NODAL: variants seen among roughly 807,000 people sequenced by gnomAD.
NODAL encodes the protein nodal homolog.
NODAL carries 12 observed loss-of-function variants against 34.0 expected under a neutral mutation model. The observed-to-expected ratio is 0.35, with a 90% CI of 0.23 to 0.57. The LOEUF is 0.57. Ranked by LOEUF, NODAL falls within the 20% of genes least tolerant of loss-of-function variation. The pLI, the probability that NODAL is intolerant of heterozygous loss-of-function variation, is 0.83. For missense variants in NODAL, 390 were observed against 444.2 expected (o/e 0.88, Z 1.10); for synonymous variants, 162 against 186.4 (o/e 0.87, Z 1.07).
chr10:70,446,035 T>C (rs578201785), upstream of NODAL, among the ~76,000 whole-genome samples: 5 of 152,300 alleles, frequency 3.3e-5, no homozygotes, highest in East Asian at 7.7e-4. Flanking sequence ...CTCTGTTGCT[T>C]TTTTAGGACC....
chr10:70,444,915 A>G (rs1415405811), upstream of NODAL, among the ~76,000 whole-genome samples: 1 of 152,140 alleles, frequency 6.6e-6, no homozygotes. Flanking sequence ...ACCCCTCCCC[A>G]GAGGCAGAAG....
At chr10:70,435,139 G>T in intron 2 of NODAL, 147 bp downstream of exon 2, 1 of 720,864 alleles carries the variant, frequency 1.4e-6, no homozygotes, top group East Asian at 2.7e-5. Context: ...ATCTCTACAT[G>T]CCTGGTACCT....
chr10:70,433,158 A>G (rs1845292174), intron 2 of NODAL, 70 bp from the exon 3 acceptor site: 1 of 1,580,620 alleles, frequency 6.3e-7, no homozygotes. Flanking sequence ...TTCTGGGTAA[A>G]GAGTAAAAAA....
intron 1 of NODAL, among the ~76,000 whole-genome samples, chr10:70,440,521 G>T (rs1234021645): frequency 2.0e-5 from 3 of 152,144 alleles, no homozygotes; most frequent in Non-Finnish European, 4.4e-5. Context: ...TTTGTGGATT[G>T]CGCCCCGGCC....
chr10:70,433,766 A>G (rs1171925280), intron 2 of NODAL, among the ~76,000 whole-genome samples: 1 of 152,218 alleles, frequency 6.6e-6, no homozygotes, highest in Non-Finnish European at 1.5e-5. Flanking sequence ...TAGTTCTAGA[A>G]ATATGAAGCA....
At chr10:70,439,159 C>A (rs1357168009) in intron 1 of NODAL, among the ~76,000 whole-genome samples, 1 of 152,168 alleles carries the variant, frequency 6.6e-6, no homozygotes, top group African/African-American at 2.4e-5. Context: ...TGCGCGCCAC[C>A]ATGCCCAGCT....
chr10:70,447,304 C>T (rs893674736), intron 1 of NODAL, among the ~76,000 whole-genome samples: 7 of 152,004 alleles, frequency 4.6e-5, no homozygotes, highest in African/African-American at 1.7e-4. Flanking sequence ...AAACTCCCAA[C>T]CTCAGATGAT....
upstream of NODAL, among the ~76,000 whole-genome samples, chr10:70,444,418 C>T (rs1322117879): frequency 5.3e-5 from 8 of 151,496 alleles, no homozygotes; most frequent in African/African-American, 1.9e-4. Context: ...CAGCCTCTAC[C>T]TCCTGGGTTC....
upstream of NODAL, among the ~76,000 whole-genome samples, chr10:70,443,095 AAACAACAAC>A (rs137898828): frequency 6.6e-6 from 1 of 151,516 alleles, no homozygotes; most frequent in South Asian, 2.1e-4. Flanking sequence ...TCAAAAAACA[AAACAACAAC>A]AACAACAACA....
chr10:70,438,912 G>C (rs1845389978), intron 1 of NODAL, among the ~76,000 whole-genome samples: 1 of 152,168 alleles, frequency 6.6e-6, no homozygotes, highest in Admixed American at 6.5e-5. Context: ...TTTTAAGGTG[G>C]GTATGAGGAA....
At chr10:70,441,736 C>T, upstream of NODAL, 1 of 1,472,184 alleles carries the variant, frequency 6.8e-7, no homozygotes, top group Non-Finnish European at 9.3e-7. Context: ...GCCGCCCCGC[C>T]CCCACCTTTC....
chr10:70,447,908 A>G (rs778059857), intron 1 of NODAL: 1 of 471,128 alleles, frequency 2.1e-6, no homozygotes, highest in South Asian at 1.5e-5. Context: ...GTCTAAGACA[A>G]GTCTCTCGCT....
At chr10:70,447,102 T>C (rs1221525431) in intron 1 of NODAL, among the ~76,000 whole-genome samples, 3 of 131,376 alleles carry the variant, frequency 2.3e-5, no homozygotes, top group Non-Finnish European at 4.7e-5. Flanking sequence ...TGAGATGGAA[T>C]CTCACTTTGT....
At chr10:70,435,097 A>T (rs1478030299) in intron 2 of NODAL, 189 bp downstream of exon 2, 3 of 614,842 alleles carry the variant, frequency 4.9e-6, no homozygotes, top group African/African-American at 3.7e-5. Flanking sequence ...GCATGACCCC[A>T]TACAGGCTCT....
At chr10:70,442,177 T>C (rs918922867), upstream of NODAL, among the ~76,000 whole-genome samples, 4 of 152,224 alleles carry the variant, frequency 2.6e-5, no homozygotes, top group African/African-American at 9.6e-5. Flanking sequence ...GGCCACTGTC[T>C]AGATGGCCTC....
rs1430665711 is a variant in NODAL, at chr10:70,435,655, G to C, written c.522C>G (p.Ser174=). Residue 174 remains serine (S), a synonymous_variant, in exon 2 of 3, where the codon TCC becomes TCG. Coordinates refer to ENST00000287139, the MANE Select transcript of NODAL (RefSeq NM_018055.5). ...KHPGALEKQM[S]RVAGECWPRP... is the part of the protein sequence containing the mutation. Reference sequence around the variant, plus strand: ...GCGGCCAGCACTCTCCAGCTACCCTGGACATCTGCTTCTCCAGGGCCCCAG... The same window carrying C: ...GCGGCCAGCACTCTCCAGCTACCCTCGACATCTGCTTCTCCAGGGCCCCAG... The C allele has an allele frequency of 4.3e-6, 7 of 1,614,086 alleles. No individual in the cohort carries two copies. Among genetic ancestry groups the C allele is most frequent in the Non-Finnish European group, 5.1e-6 (6 of 1,179,978 alleles).
rs955791868 is a variant in NODAL, at chr10:70,432,609, G to A, written c.*327C>T. 2.6e-6 allele frequency: 1 copy of A among 385,008 alleles called. No homozygotes were observed. Among genetic ancestry groups the A allele is most frequent in the Non-Finnish European group, 5.0e-6 (1 of 201,446 alleles). 23.8% of individuals were successfully genotyped at this position (385,008 alleles called of 1,614,324 possible). On this transcript the variant is annotated 3_prime_UTR_variant, in exon 3 of 3. Transcript: ENST00000287139. The stretch of plus-strand genomic sequence containing the variant: ...TGTCTCAACTTTCACATACAGTTTC[G>A]GGGGGTTCACAGGTTTTTAAAAAAT...
Position 70,441,669 on chromosome 10 carries a change from G to T in NODAL, c.-2C>A. ...GAAGGGCAGGCAGTGGGCGTGCATG[G>T]TGGGCTGGCCAGGCCTGAAAGCAGC... On this transcript the variant is annotated 5_prime_UTR_variant, in exon 1 of 3. Coordinates refer to ENST00000287139, the MANE Select transcript of NODAL (RefSeq NM_018055.5). 1 of 1,549,078 alleles carries T rather than the reference G, an allele frequency of 6.5e-7. No individual in the cohort carries two copies. Among genetic ancestry groups the T allele is most frequent in the Non-Finnish European group, 8.7e-7 (1 of 1,147,036 alleles).
rs1845432545 is a variant in NODAL at position 70,441,584 on chromosome 10, G to A, written c.84C>T (p.Leu28=). ...ACGAGGGCTGCCCCCGCGTACGCAGGAGCGCAGTGGCCACCGTCGCAGCAC... is the reference window on the plus strand; with the variant it reads ...ACGAGGGCTGCCCCCGCGTACGCAGAAGCGCAGTGGCCACCGTCGCAGCAC... The part of the protein sequence containing the change: ...QAGAATVATA[L]LRTRGQPSSP... The change falls in exon 1 of 3, where the codon CTC becomes CTT. Residue 28 remains leucine, a synonymous_variant. Transcript: ENST00000287139. 1 of 1,564,598 alleles carries A rather than the reference G, an allele frequency of 6.4e-7. No homozygotes were observed. The highest frequency in any genetic ancestry group is 1.9e-5 in the Admixed American group (1 of 52,416).
Sources: allele counts gnomAD v4.1 joint callset (sites outside exome capture counted in the v4.1 genomes callset), GRCh38; gene constraint gnomAD v4.1.1; transcripts MANE v1.5; gene names NCBI Gene and HGNC (gene_info 2026-07-23, HGNC 2026-07-21).